L1TD1: variants seen among roughly 807,000 people sequenced by gnomAD.
L1TD1 encodes LINE1 type transposase domain containing 1.
Under a neutral mutation model 25.7 loss-of-function variants are expected in L1TD1, and 26 were observed. The observed-to-expected ratio is 1.01, with a 90% CI of 0.74 to 1.40. L1TD1 has a LOEUF of 1.40. Among genes scored for constraint, L1TD1 ranks in the 40% most tolerant of loss-of-function variants. The pLI, the probability that L1TD1 is intolerant of heterozygous loss-of-function variation, is 0.00. For missense variants in L1TD1, 1,130 were observed against 975.0 expected (o/e 1.16, Z -2.12); for synonymous variants, 421 against 335.6 (o/e 1.25, Z -2.78).
chr1:62,207,085 A>C lies in L1TD1; in HGVS notation c.457A>C (p.Asn153His). ...SGKLDNTNEY[N>H]SNDGKKLPQG... ...TAAATTAGACAACACTAACGAATAC[A>C]ATAGTAATGATGGTAAGAAATTACC... Residue 153 changes from asparagine (N) to histidine (H), a missense_variant, in exon 3 of 4, where the codon AAT (asparagine) becomes CAT (histidine). Asn to His is a moderately conservative substitution (Grantham distance 68). Transcript: ENST00000498273. The C allele has an allele frequency of 6.2e-7, 1 of 1,612,952 alleles. No homozygotes were observed. Among genetic ancestry groups the C allele is most frequent in the South Asian group, 1.1e-5 (1 of 90,940 alleles).
chr1:62,208,497 T>TTTTTTTTTG, intron 3 of L1TD1: 1 of 140,422 alleles, frequency 7.1e-6, no homozygotes, highest in Non-Finnish European at 1.6e-5. Flanking sequence ...TTTTTTTTTT[T>TTTTTTTTTG]GAGATAAAGT....
At chr1:62,202,793 C>T (rs1670668553) in intron 2 of L1TD1, among the ~76,000 whole-genome samples, 1 of 150,200 alleles carries the variant, frequency 6.7e-6, no homozygotes, top group African/African-American at 2.5e-5. Flanking sequence ...AACTGATTCT[C>T]CTGCCTCAGC....
At chr1:62,207,716 A>T in intron 3 of L1TD1, 80 bp downstream of exon 3, 8 of 1,310,154 alleles carry the variant, frequency 6.1e-6, no homozygotes, top group East Asian at 2.8e-5. Flanking sequence ...GGATAAATCA[A>T]TTTTTTTTTT....
chr1:62,208,507 T>C (rs1306716229), intron 3 of L1TD1: 1 of 143,038 alleles, frequency 7.0e-6, no homozygotes, highest in Non-Finnish European at 1.5e-5. Flanking sequence ...TGAGATAAAG[T>C]CTTGCTCTAT....
chr1:62,211,073 T>G lies in L1TD1; in HGVS notation c.2299T>G (p.Ser767Ala). Residue 767 changes from serine (S) to alanine (A), a missense_variant, in exon 4 of 4, where the codon TCT (serine) becomes GCT (alanine). Physicochemically the swap from Ser to Ala is moderately conservative, Grantham distance 99. Transcript: ENST00000498273. ...ACACATCTTGGTGAAATTTTGGAAT[T>G]CTAGTGATAAAGAGAAAATAATAAG... The part of the protein sequence containing the change: ...PRHILVKFWN[S>A]SDKEKIIRAS... 6.4e-7 allele frequency: 1 copy of G among 1,550,742 alleles called. No homozygotes were observed. The highest frequency in any genetic ancestry group is 1.4e-5 in the African/African-American group (1 of 73,068).
intron 2 of L1TD1, among the ~76,000 whole-genome samples, chr1:62,200,924 A>T (rs557206653): frequency 6.6e-6 from 1 of 151,518 alleles, no homozygotes; most frequent in East Asian, 1.9e-4. Context: ...GTTTTATTTT[A>T]TTTTTATTTT....
Position 62,211,333 on chromosome 1 carries a change from G to C in L1TD1, c.2559G>C (p.Met853Ile). The C allele has an allele frequency of 6.2e-7, 1 of 1,611,494 alleles. No individual in the cohort carries two copies. The highest frequency in any genetic ancestry group is 8.5e-7 in the Non-Finnish European group (1 of 1,179,128). The change falls in exon 4 of 4, where the codon ATG (methionine) becomes ATC (isoleucine). Residue 853 changes from methionine to isoleucine, a missense_variant. Transcript: ENST00000498273. ...AATTTAGAGATTATGTTTTGCATAT[G>C]CCCACCTTGAGAGAATTACTGGGGA... is the stretch of plus-strand genomic sequence containing the variant. Reference protein sequence around the residue: ...IEEFRDYVLHMPTLRELLGNN... With the variant: ...IEEFRDYVLHIPTLRELLGNN...
chr1:62,212,044 C>G lies in L1TD1; in HGVS notation c.*672C>G, dbSNP rs1022900503. On this transcript the variant is annotated 3_prime_UTR_variant, in exon 4 of 4. Coordinates refer to ENST00000498273, the MANE Select transcript of L1TD1 (RefSeq NM_019079.5). Reference sequence around the variant, plus strand: ...GGAGGGCTGCACCTGTCAAGATAACCTGTCAATGTAGTAGGAAAACAGGAG... The same window carrying G: ...GGAGGGCTGCACCTGTCAAGATAACGTGTCAATGTAGTAGGAAAACAGGAG... 1 of 152,174 alleles carries G rather than the reference C, an allele frequency of 6.6e-6. No individual in the cohort carries two copies. Among genetic ancestry groups the G allele is most frequent in the African/African-American group, 2.4e-5 (1 of 41,406 alleles). The allele number at this position is 152,174 out of a possible 1,614,324, so 9.4% of individuals were successfully genotyped here. A position where few individuals can be genotyped will look rare whatever the true frequency, so the allele number is the denominator to read the frequency against.
chr1:62,203,187 T>C (rs1346555975), intron 2 of L1TD1, among the ~76,000 whole-genome samples: 1 of 152,178 alleles, frequency 6.6e-6, no homozygotes, highest in East Asian at 1.9e-4. Flanking sequence ...AGGCATGCAA[T>C]GTGTAATAAT....
intron 2 of L1TD1, 63 bp from the exon 3 acceptor site, chr1:62,206,456 A>G: frequency 1.7e-6 from 1 of 593,904 alleles, no homozygotes; most frequent in South Asian, 4.9e-5. Context: ...CTAAGCTCAT[A>G]TTCTTACCAA....
At position 62,206,917 on chromosome 1, in the gene L1TD1, A is replaced by T; in HGVS notation, c.289A>T (p.Ser97Cys). 1 of 1,613,964 alleles carries T rather than the reference A, an allele frequency of 6.2e-7. No individual in the cohort carries two copies. The highest frequency in any genetic ancestry group is 8.5e-7 in the Non-Finnish European group (1 of 1,179,946). ...IPEVKNSENS[S>C]SRTEFQQIIN... is the part of the protein sequence containing the mutation. ...TGAGGTAAAGAATTCAGAGAACTCCAGTAGTAGGACAGAGTTTCAGCAAAT... is the reference window on the plus strand; with the variant it reads ...TGAGGTAAAGAATTCAGAGAACTCCTGTAGTAGGACAGAGTTTCAGCAAAT... The change falls in exon 3 of 4, where the codon AGT becomes TGT. Residue 97 changes from serine (S) to cysteine (C), a missense_variant. By Grantham distance (112) the Ser-to-Cys change is moderately radical (BLOSUM62 -1). Transcript: ENST00000498273.
In L1TD1 at chr1:62,205,369, CT is replaced by C. The variant is rs1557443314; in HGVS notation, c.-110-1149del. Among the ~76,000 whole-genome samples the C allele has an allele frequency of 4.5e-4, 44 of 97,990 alleles. 1 individual carries two copies. The highest frequency in any genetic ancestry group is 1.6e-3 in the African/African-American group (42 of 26,962). 64.3% of individuals were successfully genotyped at this position (97,990 alleles called of 152,430 possible). ...AAACAAAATAAAACCAACGAAAACT[CT>C]CTTTCTCTCTCTCTCTCTTTCTCTC... On this transcript the variant is annotated intron_variant, in intron 2 of 3. Transcript: ENST00000498273.
chr1:62,210,899 GA>G lies in L1TD1; in HGVS notation c.2129del (p.Lys710ArgfsTer11). On this transcript the variant is annotated frameshift_variant, in exon 4 of 4. Coordinates refer to ENST00000498273, the MANE Select transcript of L1TD1 (RefSeq NM_019079.5). LOFTEE classifies it low-confidence loss of function (END_TRUNC). The part of the protein sequence containing the change: ...SCNIRLIGIP[E>X]KESYENRAED... ...CAACATTCGTTTGATAGGAATTCCA[GA>G]AAAGGAGAGTTATGAGAATAGGGCA... 6.4e-7 allele frequency: 1 copy of G among 1,551,398 alleles called. No individual in the cohort carries two copies. Among genetic ancestry groups the G allele is most frequent in the Non-Finnish European group, 8.7e-7 (1 of 1,146,924 alleles).
At chr1:62,198,449 A>T (rs1670584494) in intron 2 of L1TD1, among the ~76,000 whole-genome samples, 1 of 148,462 alleles carries the variant, frequency 6.7e-6, no homozygotes, top group South Asian at 2.1e-4. Flanking sequence ...TCTTATTTAA[A>T]AAAAAAAAAA....
rs775612122 is a variant in L1TD1, at chr1:62,210,135, C to T, written c.1361C>T (p.Ala454Val). The T allele has an allele frequency of 1.4e-5, 23 of 1,613,822 alleles. No homozygotes were observed. In the South Asian group the frequency reaches 2.4e-4, roughly 17 times the overall value. The change falls in exon 4 of 4, where the codon GCA becomes GTA. Residue 454 changes from alanine to valine, a missense_variant. By Grantham distance (64) the Ala-to-Val change is moderately conservative. Transcript: ENST00000498273. Reference sequence around the variant, plus strand: ...TTTCAGGGTCATACTTTGGTAGATGCAAAGCATGAAGTTGAGATAACCAGT... The same window carrying T: ...TTTCAGGGTCATACTTTGGTAGATGTAAAGCATGAAGTTGAGATAACCAGT... ...STFQGHTLVD[A>V]KHEVEITSDG... is the part of the protein sequence containing the mutation.
At chr1:62,206,385 C>A in intron 2 of L1TD1, 134 bp from the exon 3 acceptor site, 1 of 234,274 alleles carries the variant, frequency 4.3e-6, no homozygotes, top group Non-Finnish European at 8.1e-6. Context: ...TAATCTTACC[C>A]ATTTTGCTAG....
At position 62,206,979 on chromosome 1, in the gene L1TD1, G is replaced by T; in HGVS notation, c.351G>T (p.Gly117=). 12 of 1,613,126 alleles carry T rather than the reference G, an allele frequency of 7.4e-6. No homozygotes were observed. Among genetic ancestry groups the T allele is most frequent in the Non-Finnish European group, 1.0e-5 (12 of 1,179,782 alleles). The part of the protein sequence containing the change: ...NLALQKTGMV[G]KIEGENSKIG... ...CATTACAAAAAACAGGGATGGTAGG[G>T]AAAATAGAAGGAGAAAACTCTAAAA... Residue 117 remains glycine (G), a synonymous_variant, in exon 3 of 4, where the codon GGG becomes GGT. Transcript: ENST00000498273.
Position 62,210,241 on chromosome 1 carries a change from A to C in L1TD1, c.1467A>C (p.Thr489=). Residue 489 remains threonine (T), a synonymous_variant, in exon 4 of 4, where the codon ACA becomes ACC. Coordinates refer to ENST00000498273, the MANE Select transcript of L1TD1 (RefSeq NM_019079.5). ...EEEEEGKSSE[T]GKVKTTSLTE... ...AAGAAGAAGGAAAGAGCTCTGAAAC[A>C]GGAAAGGTAAAGACTACCTCCCTGA... The C allele has an allele frequency of 6.2e-7, 1 of 1,614,100 alleles. No homozygotes were observed. Among genetic ancestry groups the C allele is most frequent in the South Asian group, 1.1e-5 (1 of 91,074 alleles).
At chr1:62,209,436 CACAT>C (rs753170205) in intron 3 of L1TD1, among the ~76,000 whole-genome samples, 1 of 152,012 alleles carries the variant, frequency 6.6e-6, no homozygotes, top group African/African-American at 2.4e-5. Flanking sequence ...ATAGGACTCT[CACAT>C]ACAATAAGCA....
Sources: gnomAD v4.1 joint callset for allele counts (sites outside exome capture counted in the v4.1 genomes callset) on GRCh38, gnomAD v4.1.1 for gene constraint, MANE v1.5 for transcripts, NCBI Gene and HGNC (gene_info 2026-07-23, HGNC 2026-07-21) for gene names.